The following GALNT9 variants were observed in gnomAD, a reference collection of about 807,000 sequenced individuals.
GALNT9 encodes the protein GalNAc transferase 9.
Under a neutral mutation model 63.1 loss-of-function variants are expected in GALNT9, and 47 were observed. The ratio of observed to expected loss-of-function variants is 0.75; its 90% CI spans 0.59 to 0.95. GALNT9 has a LOEUF of 0.95. Among genes scored for constraint, GALNT9 ranks in the 40% least tolerant of loss-of-function variants. The probability of loss-of-function intolerance (pLI) is 0.00; values close to 1 mark genes in which losing one functional copy is unlikely to be tolerated. For synonymous variants in GALNT9, 396 were observed against 365.7 expected (o/e 1.08, Z -0.94); for missense variants, 829 against 874.8 (o/e 0.95, Z 0.66).
chr12:132,216,904 CT>C (rs1488114233), intron 6 of GALNT9, among the ~76,000 whole-genome samples: 2 of 152,214 alleles, frequency 1.3e-5, no homozygotes, highest in East Asian at 3.8e-4. Flanking sequence ...TAACTTGGCT[CT>C]TTCTTGACTG....
At position 132,227,244 on chromosome 12, in the gene GALNT9, G is replaced by A. The variant is rs1039166738; in HGVS notation, c.1077+20666C>T. Among the ~76,000 whole-genome samples, 3 of 152,158 alleles carry A rather than the reference G, an allele frequency of 2.0e-5. No individual in the cohort carries two copies. The East Asian group carries it at 5.8e-4, about 29-fold the overall frequency. On this transcript the variant is annotated intron_variant, in intron 6 of 10. Transcript: ENST00000328957. ...CCAGATGGAACGGAGGCACCGAAAT[G>A]GCTCCCCAGCTCGTCAGCAGAACCC...
At chr12:132,267,147 A>G (rs1264728495) in intron 2 of GALNT9, among the ~76,000 whole-genome samples, 1 of 152,010 alleles carries the variant, frequency 6.6e-6, no homozygotes, top group Non-Finnish European at 1.5e-5. Context: ...AAAAGAAGAC[A>G]CCTGAGCCCA....
At chr12:132,263,168 C>T (rs1353731124) in intron 2 of GALNT9, among the ~76,000 whole-genome samples, 2 of 152,218 alleles carry the variant, frequency 1.3e-5, no homozygotes, top group South Asian at 4.1e-4. Flanking sequence ...CCCGCACAGG[C>T]AGCCACTTCC....
chr12:132,283,266 T>C (rs1271554208), intron 2 of GALNT9: 2 of 152,210 alleles, frequency 1.3e-5, no homozygotes, highest in Non-Finnish European at 2.9e-5. Context: ...CAGCAAGAGC[T>C]AGGAGATAAA....
rs76360375 is a variant in GALNT9 at position 132,262,634 on chromosome 12, A to G, written c.420-9T>C. ...AGCTCATCTGTCTGCACCTGCAGGA[A>G]ACACGGTTTGGGGTGCGGTCAGGGC... is the stretch of plus-strand genomic sequence containing the variant. On this transcript the variant is annotated splice_polypyrimidine_tract_variant and intron_variant, in intron 2 of 10. Transcript: ENST00000328957. 6,838 of 1,510,636 alleles carry G rather than the reference A, an allele frequency of 4.5e-3. 651 individuals are homozygous for G. In the African/African-American group the frequency reaches 0.12, roughly 26 times the overall value. The allele number at this position is 1,510,636 out of a possible 1,614,324, so 93.6% of individuals were successfully genotyped here.
At chr12:132,200,816 ACCTG>A (rs1382610944) in intron 8 of GALNT9, 6 of 394,934 alleles carry the variant, frequency 1.5e-5, no homozygotes, top group African/African-American at 1.2e-4. Flanking sequence ...GTGACTACAC[ACCTG>A]CCTGCCTCTA....
At chr12:132,226,815 T>C (rs1243704895) in intron 6 of GALNT9, among the ~76,000 whole-genome samples, 6 of 94,680 alleles carry the variant, frequency 6.3e-5, no homozygotes, top group African/African-American at 8.4e-5. Context: ...CCCACACACA[T>C]CCCATAAACA....
intron 6 of GALNT9, among the ~76,000 whole-genome samples, chr12:132,218,012 G>C (rs1877289599): frequency 7.1e-6 from 1 of 141,114 alleles, no homozygotes; most frequent in African/African-American, 2.7e-5. Flanking sequence ...TGCCCACCTA[G>C]ACACCATCTA....
chr12:132,314,651 T>C (rs1393636210), intron 1 of GALNT9, among the ~76,000 whole-genome samples: 1 of 152,146 alleles, frequency 6.6e-6, no homozygotes, highest in Non-Finnish European at 1.5e-5. Context: ...GAGCAGAGAG[T>C]GCAGGCTGCT....
chr12:132,207,583 G>C (rs1375667028), intron 6 of GALNT9, among the ~76,000 whole-genome samples: 1 of 152,126 alleles, frequency 6.6e-6, no homozygotes, highest in Non-Finnish European at 1.5e-5. Flanking sequence ...CTCGGCCCTC[G>C]GGTCCCCCAC....
At chr12:132,274,370 C>T in intron 2 of GALNT9, 1 of 152,532 alleles carries the variant, frequency 6.6e-6, no homozygotes, top group Non-Finnish European at 1.5e-5. Flanking sequence ...CGCCCTCACC[C>T]TTCAAGAGGC....
chr12:132,290,584 C>A (rs1378842907), intron 1 of GALNT9, among the ~76,000 whole-genome samples: 1 of 150,080 alleles, frequency 6.7e-6, no homozygotes, highest in Non-Finnish European at 1.5e-5. Context: ...ATCCACAGCG[C>A]CCACATCCAC....
At chr12:132,262,982 T>C (rs1879461614) in intron 2 of GALNT9, among the ~76,000 whole-genome samples, 1 of 151,894 alleles carries the variant, frequency 6.6e-6, no homozygotes. Flanking sequence ...GCCCACCCCG[T>C]GCTCACAGCG....
Position 132,262,558 on chromosome 12 carries a change from C to A in GALNT9, c.487G>T (p.Ala163Ser), listed in dbSNP as rs375685068. 36 of 1,551,410 alleles carry A rather than the reference C, an allele frequency of 2.3e-5. No homozygotes were observed. The highest frequency in any genetic ancestry group is 3.0e-5 in the Non-Finnish European group (34 of 1,146,928). The change falls in exon 3 of 11, where the codon GCG becomes TCG. Residue 163 changes from alanine to serine, a missense_variant. Coordinates refer to ENST00000328957, the MANE Select transcript of GALNT9 (RefSeq NM_001122636.2). ...ACGGAGCGCAGGATGACCGACAGCG[C>A]CTCATTGACGAAGATGAAGACCACG... is the stretch of plus-strand genomic sequence containing the variant. ...VSVVFIFVNEALSVILRSVHS... is the reference protein window; with the variant it reads ...VSVVFIFVNESLSVILRSVHS...
chr12:132,213,178 C>T (rs190563231), intron 6 of GALNT9, among the ~76,000 whole-genome samples: 273 of 45,586 alleles, frequency 6.0e-3, no homozygotes, highest in African/African-American at 0.021. Context: ...AAACCCCACC[C>T]GGGTCTGCAG....
intron 6 of GALNT9, among the ~76,000 whole-genome samples, chr12:132,204,272 C>A (rs1389857665): frequency 6.6e-6 from 1 of 152,202 alleles, no homozygotes; most frequent in Non-Finnish European, 1.5e-5. Flanking sequence ...CGTGTCGTTC[C>A]ACTTAAGCAA....
chr12:132,259,321 C>T (rs766971530), intron 4 of GALNT9, among the ~76,000 whole-genome samples: 12 of 152,228 alleles, frequency 7.9e-5, no homozygotes, highest in Non-Finnish European at 1.2e-4. Context: ...GGAGCTTACC[C>T]GGCATCAGAG....
intron 9 of GALNT9, 111 bp from the exon 10 acceptor site, chr12:132,198,070 G>T: frequency 1.1e-6 from 1 of 877,114 alleles, no homozygotes; most frequent in Non-Finnish European, 1.7e-6. Flanking sequence ...CTGCGCGGCT[G>T]CCTTGGAGCC....
chr12:132,297,594 A>G (rs192596842), intron 1 of GALNT9, among the ~76,000 whole-genome samples: 2 of 151,854 alleles, frequency 1.3e-5, no homozygotes, highest in Non-Finnish European at 1.5e-5. Context: ...GAGATAACCA[A>G]CTCACTCCCA....
Sources: allele counts gnomAD v4.1 joint callset (sites outside exome capture counted in the v4.1 genomes callset), GRCh38; gene constraint gnomAD v4.1.1; transcripts MANE v1.5; gene names NCBI Gene and HGNC (gene_info 2026-07-23, HGNC 2026-07-21).